GRIK1: variants seen among roughly 807,000 people sequenced by gnomAD.
GRIK1 encodes glutamate ionotropic receptor kainate type subunit 1.
GRIK1 carries 69 observed loss-of-function variants against 105.7 expected under a neutral mutation model. The ratio of observed to expected loss-of-function variants is 0.65; its 90% CI spans 0.54 to 0.80. The LOEUF (loss-of-function observed/expected upper bound fraction) is 0.80, where lower values mean the gene tolerates loss of function less well. GRIK1 is among the 30% of genes least tolerant of loss of function. The pLI is 0.00. For synonymous variants in GRIK1, 438 were observed against 431.3 expected, an observed-to-expected ratio of 1.02 and a Z score of -0.19; for missense variants, 1,109 against 1,167.3, an observed-to-expected ratio of 0.95 and a Z score of 0.73.
chr21:29,555,776 G>C (rs1326528431), intron 15 of GRIK1, among the ~76,000 whole-genome samples: 1 of 152,152 alleles, frequency 6.6e-6, no homozygotes, highest in Non-Finnish European at 1.5e-5. Context: ...GTGGCAATAA[G>C]ATATCAAATT....
chr21:29,833,491 A>G (rs1316194969), intron 1 of GRIK1, among the ~76,000 whole-genome samples: 2 of 152,200 alleles, frequency 1.3e-5, no homozygotes, highest in Non-Finnish European at 2.9e-5. Context: ...TAAAGGAAGC[A>G]TAGCTAGAGA....
intron 3 of GRIK1, 109 bp from the exon 4 acceptor site, chr21:29,673,273 C>A: frequency 1.5e-6 from 1 of 655,014 alleles, no homozygotes; most frequent in Non-Finnish European, 2.6e-6. Context: ...CAGTGGCCAC[C>A]TTCCTAAAGG....
chr21:29,589,006 G>A lies in GRIK1; in HGVS notation c.1402C>T (p.Pro468Ser). The A allele has an allele frequency of 6.2e-7, 1 of 1,601,826 alleles. No individual in the cohort carries two copies. The highest frequency in any genetic ancestry group is 8.6e-7 in the Non-Finnish European group (1 of 1,168,868). ...TCAAATCTGTCATTTCCATATAGAG[G>A]CTTATCAGATTTCCTGTACATAACA... Reference protein sequence around the residue: ...PYVMYRKSDKPLYGNDRFEGY... With the variant: ...PYVMYRKSDKSLYGNDRFEGY... The change falls in exon 11 of 18, where the codon CCT (proline) becomes TCT (serine). Residue 468 changes from proline (P) to serine (S), a missense_variant. Physicochemically the swap from Pro to Ser is moderately conservative, Grantham distance 74. Transcript: ENST00000327783.
chr21:29,841,564 T>A (rs2067984947), intron 1 of GRIK1, among the ~76,000 whole-genome samples: 2 of 152,158 alleles, frequency 1.3e-5, no homozygotes, highest in Non-Finnish European at 2.9e-5. Context: ...ATTCCATCTT[T>A]AGCCGTCAGC....
rs564207033 is a variant in GRIK1, at chr21:29,698,928, A to G, written c.119-4865T>C. Among the ~76,000 whole-genome samples, 5 of 152,336 alleles carry G rather than the reference A, an allele frequency of 3.3e-5. No homozygotes were observed. In the South Asian group the frequency reaches 1.0e-3, roughly 32 times the overall value. ...AACACCAGAATAGATAAGAATTCTG[A>G]AAAATTAATGCTTTTTTTATTAATA... On this transcript the variant is annotated intron_variant, in intron 1 of 17. Transcript: ENST00000327783.
chr21:29,632,326 GT>G (rs1281660911), intron 7 of GRIK1, among the ~76,000 whole-genome samples: 1 of 151,968 alleles, frequency 6.6e-6, no homozygotes, highest in African/African-American at 2.4e-5. Context: ...CATTCTTGGT[GT>G]CTAAAAGAGT....
At chr21:29,615,010 C>T (rs1601275912) in intron 7 of GRIK1, among the ~76,000 whole-genome samples, 1 of 151,494 alleles carries the variant, frequency 6.6e-6, no homozygotes, top group African/African-American at 2.5e-5. Flanking sequence ...AAGGACGGTT[C>T]GCAGAACTAG....
intron 1 of GRIK1, among the ~76,000 whole-genome samples, chr21:29,877,012 A>G (rs984821092): frequency 1.3e-5 from 2 of 152,204 alleles, no homozygotes; most frequent in Non-Finnish European, 1.5e-5. Flanking sequence ...AGCTCAAAAG[A>G]TGTATGGTGA....
intron 1 of GRIK1, among the ~76,000 whole-genome samples, chr21:29,842,522 T>G (rs1185861548): frequency 6.6e-6 from 1 of 152,216 alleles, no homozygotes; most frequent in Non-Finnish European, 1.5e-5. Flanking sequence ...ATTGTTAACT[T>G]CAGACGAAAG....
chr21:29,650,635 A>G (rs1568933259), intron 6 of GRIK1, among the ~76,000 whole-genome samples: 1 of 152,250 alleles, frequency 6.6e-6, no homozygotes, highest in Non-Finnish European at 1.5e-5. Flanking sequence ...TCAGTTCTGC[A>G]GAGGTGAACC....
chr21:29,890,517 C>A (rs1271811052), intron 1 of GRIK1, among the ~76,000 whole-genome samples: 1 of 152,086 alleles, frequency 6.6e-6, no homozygotes, highest in Non-Finnish European at 1.5e-5. Flanking sequence ...ATCAGGCCCA[C>A]ATTTTTGAAG....
At chr21:29,658,586 A>G (rs762217062) in intron 4 of GRIK1, among the ~76,000 whole-genome samples, 11 of 152,216 alleles carry the variant, frequency 7.2e-5, no homozygotes, top group Non-Finnish European at 1.5e-4. Context: ...AATGGAATTA[A>G]TCTTGTTAAA....
chr21:29,932,750 T>G (rs766276011), intron 1 of GRIK1, among the ~76,000 whole-genome samples: 23 of 152,020 alleles, frequency 1.5e-4, no homozygotes, highest in Non-Finnish European at 3.2e-4. Flanking sequence ...GCTTTTGTGT[T>G]GCCATGAAAA....
rs564926075 is a variant in GRIK1, at chr21:29,606,290, ATTTTATT to A, written c.1099-7360_1099-7354del. Among the ~76,000 whole-genome samples the A allele has an allele frequency of 2.8e-3, 425 of 152,124 alleles. 2 individuals carry two copies. The highest frequency in any genetic ancestry group is 9.6e-3 in the African/African-American group (398 of 41,508). On this transcript the variant is annotated intron_variant, in intron 7 of 17. Transcript: ENST00000327783. ...ATTGGCCAGCTTTTTATTTTATTTT[ATTTTATT>A]TTAAGTTCTGGGGTGCATGCGCAGG...
chr21:29,912,002 G>A (rs115585231), intron 1 of GRIK1, among the ~76,000 whole-genome samples: 2,033 of 152,102 alleles, frequency 0.013, 55 homozygotes, highest in African/African-American at 0.046. Flanking sequence ...TAGAATTAAA[G>A]GGGTGTGATG....
chr21:29,847,407 A>G (rs1440600588), intron 1 of GRIK1, among the ~76,000 whole-genome samples: 1 of 152,212 alleles, frequency 6.6e-6, no homozygotes, highest in Non-Finnish European at 1.5e-5. Context: ...CATCCTGGCC[A>G]ACATGGTGAA....
At chr21:29,574,278 T>A (rs2146226100) in intron 14 of GRIK1, among the ~76,000 whole-genome samples, 1 of 152,300 alleles carries the variant, frequency 6.6e-6, no homozygotes, top group Admixed American at 6.5e-5. Context: ...TCAGGTCTAT[T>A]GCTTTTTCAA....
intron 1 of GRIK1, among the ~76,000 whole-genome samples, chr21:29,909,017 A>C (rs555867310): frequency 6.6e-6 from 1 of 152,198 alleles, no homozygotes. Flanking sequence ...GAATATTTTT[A>C]AACACATCAC....
Position 29,939,443 on chromosome 21 carries a change from C to T in GRIK1, c.58G>A (p.Ala20Thr), listed in dbSNP as rs1411932355. ...PGLWTRDTSWALLYFLCYILP... is the reference protein window; with the variant it reads ...PGLWTRDTSWTLLYFLCYILP... ...ATATAGCAGAGGAAATAGAGGAGTG[C>T]CCAGCTGGTGTCCCTGGTCCAGAGC... is the stretch of plus-strand genomic sequence containing the variant. The change falls in exon 1 of 18, where the codon GCA becomes ACA. Residue 20 changes from alanine to threonine, a missense_variant. This residue lies in a region of GRIK1 where 612 missense variants were observed against 586.0 expected (regional missense o/e 1.04). Coordinates refer to ENST00000327783, the MANE Select transcript of GRIK1 (RefSeq NM_001330994.2). 1 of 1,598,074 alleles carries T rather than the reference C, an allele frequency of 6.3e-7. No individual in the cohort carries two copies. Among genetic ancestry groups the T allele is most frequent in the Admixed American group, 1.7e-5 (1 of 58,668 alleles).
Sources: gnomAD v4.1 joint callset for allele counts (sites outside exome capture counted in the v4.1 genomes callset) on GRCh38, gnomAD v4.1.1 for gene constraint, gnomAD v4.1.1 regional missense constraint, MANE v1.5 for transcripts, NCBI Gene and HGNC (gene_info 2026-07-23, HGNC 2026-07-21) for gene names.